Variants in UTRN observed in about 807,000 individuals in gnomAD.
UTRN encodes dystrophin-related protein 1.
Under a neutral mutation model 463.9 loss-of-function variants are expected in UTRN, and 283 were observed. That is an observed-to-expected ratio of 0.61 (90% CI 0.55 to 0.67). The LOEUF (loss-of-function observed/expected upper bound fraction) is 0.67, where lower values mean the gene tolerates loss of function less well. UTRN is among the 30% of genes least tolerant of loss of function. The pLI is 0.00. For missense variants in UTRN, 3,922 were observed against 4,084.3 expected (o/e 0.96, Z 1.08); for synonymous variants, 1,442 against 1,431.5 (o/e 1.01, Z -0.17).
Position 144,510,929 on chromosome 6 carries a change from G to GT in UTRN, c.4765-10dup. On this transcript the variant is annotated splice_polypyrimidine_tract_variant and intron_variant, in intron 34 of 74. Transcript: ENST00000367545. ...TCTGAAGCATCAAGTAGGTCTTGGT[G>GT]TTTTTATTTTCTAGAATGTTCTGAA... 6.5e-7 allele frequency: 1 copy of GT among 1,544,956 alleles called. No homozygotes were observed. Among genetic ancestry groups the GT allele is most frequent in the Non-Finnish European group, 8.8e-7 (1 of 1,140,162 alleles).
chr6:144,816,223 C>T (rs1480978694), intron 65 of UTRN, among the ~76,000 whole-genome samples: 9 of 152,028 alleles, frequency 5.9e-5, no homozygotes, highest in Non-Finnish European at 4.4e-5. Flanking sequence ...AGGGAAATGG[C>T]AGGTGTGGAG....
At chr6:144,599,245 G>T (rs1803980633) in intron 51 of UTRN, among the ~76,000 whole-genome samples, 1 of 152,176 alleles carries the variant, frequency 6.6e-6, no homozygotes, top group African/African-American at 2.4e-5. Flanking sequence ...GGGAAATGGG[G>T]TGGTTGGTTA....
chr6:144,620,883 T>C (rs1223537097), intron 51 of UTRN, among the ~76,000 whole-genome samples: 1 of 152,198 alleles, frequency 6.6e-6, no homozygotes, highest in African/African-American at 2.4e-5. Flanking sequence ...CCTGAAGATA[T>C]CTGGGATTCC....
chr6:144,496,317 G>C (rs1287433579), intron 33 of UTRN, among the ~76,000 whole-genome samples: 1 of 152,078 alleles, frequency 6.6e-6, no homozygotes, highest in Non-Finnish European at 1.5e-5. Context: ...AAATCAGAAC[G>C]ACCAGTTTAT....
At chr6:144,620,132 T>G (rs1475637265) in intron 51 of UTRN, among the ~76,000 whole-genome samples, 2 of 152,156 alleles carry the variant, frequency 1.3e-5, no homozygotes, top group Non-Finnish European at 2.9e-5. Context: ...GCCTGGCTTA[T>G]TTGGAGTTAG....
intron 54 of UTRN, among the ~76,000 whole-genome samples, chr6:144,737,532 T>C (rs1206205327): frequency 6.6e-6 from 1 of 152,166 alleles, no homozygotes; most frequent in Non-Finnish European, 1.5e-5. Context: ...GGCATAGGAA[T>C]TTATATTATA....
At chr6:144,710,976 C>T (rs999603296) in intron 53 of UTRN, among the ~76,000 whole-genome samples, 8 of 152,080 alleles carry the variant, frequency 5.3e-5, no homozygotes, top group African/African-American at 1.9e-4. Context: ...CAAATGTTAA[C>T]ATAAATTGCT....
chr6:144,330,331 T>C (rs1776248753), intron 2 of UTRN, among the ~76,000 whole-genome samples: 1 of 152,190 alleles, frequency 6.6e-6, no homozygotes, highest in Admixed American at 6.5e-5. Context: ...CTTATCCTGA[T>C]TGAAGGGGCA....
chr6:144,355,024 C>A (rs146629873), intron 2 of UTRN, among the ~76,000 whole-genome samples: 1 of 151,970 alleles, frequency 6.6e-6, no homozygotes. Flanking sequence ...GCTCCTGGCA[C>A]GTTTTTTAGT....
At chr6:144,607,568 T>G (rs188574677) in intron 51 of UTRN, among the ~76,000 whole-genome samples, 19 of 152,342 alleles carry the variant, frequency 1.2e-4, no homozygotes, top group African/African-American at 4.3e-4. Context: ...TAGGTTTCAC[T>G]GGGTAAAGGC....
chr6:144,589,649 T>G (rs1258596833), intron 51 of UTRN, among the ~76,000 whole-genome samples: 1 of 152,160 alleles, frequency 6.6e-6, no homozygotes, highest in East Asian at 1.9e-4. Flanking sequence ...TGTTCTGAAT[T>G]ATTTCCATAT....
In UTRN at chr6:144,768,037, A is replaced by T. The variant is rs1016513236; in HGVS notation, c.8496-3870A>T. Among the ~76,000 whole-genome samples the T allele has an allele frequency of 5.9e-5, 9 of 152,304 alleles. No individual in the cohort carries two copies. The South Asian group carries it at 1.7e-3, about 28-fold the overall frequency. On this transcript the variant is annotated intron_variant, in intron 58 of 74. Transcript: ENST00000367545. Reference sequence around the variant, plus strand: ...ATATGAGACCACTCTAATGAGGACAAATGGGTTTAAGAAGTATCTTCCACA... The same window carrying T: ...ATATGAGACCACTCTAATGAGGACATATGGGTTTAAGAAGTATCTTCCACA...
intron 51 of UTRN, among the ~76,000 whole-genome samples, chr6:144,609,780 TTGGAAAATAAACAAATATG>T (rs1805275087): frequency 6.6e-6 from 1 of 152,182 alleles, no homozygotes; most frequent in Non-Finnish European, 1.5e-5. Flanking sequence ...AGGAGAAATC[TTGGAAAATAAACAAATATG>T]TGGAAATTAA....
At chr6:144,783,094 G>T (rs10428796) in intron 61 of UTRN, among the ~76,000 whole-genome samples, 3 of 151,918 alleles carry the variant, frequency 2.0e-5, no homozygotes, top group African/African-American at 7.3e-5. Context: ...TACTTGGGAG[G>T]CTGAGGCAGG....
At chr6:144,744,012 G>A (rs1790391950) in intron 54 of UTRN, among the ~76,000 whole-genome samples, 1 of 149,956 alleles carries the variant, frequency 6.7e-6, no homozygotes, top group Non-Finnish European at 1.5e-5. Flanking sequence ...AAGAGGCTAG[G>A]TGCGGTGGCT....
intron 41 of UTRN, among the ~76,000 whole-genome samples, chr6:144,528,593 C>G (rs1796765744): frequency 1.3e-5 from 2 of 152,150 alleles, no homozygotes; most frequent in Admixed American, 1.3e-4. Context: ...AGCACAGCTA[C>G]TGGGTGCTGA....
At chr6:144,593,113 G>A (rs1458634697) in intron 51 of UTRN, among the ~76,000 whole-genome samples, 2 of 152,196 alleles carry the variant, frequency 1.3e-5, no homozygotes, top group Non-Finnish European at 2.9e-5. Context: ...TCTGCGAATA[G>A]ACTGAATGAG....
At chr6:144,590,896 A>G (rs1238013394) in intron 51 of UTRN, among the ~76,000 whole-genome samples, 3 of 151,892 alleles carry the variant, frequency 2.0e-5, no homozygotes, top group African/African-American at 7.3e-5. Context: ...ACACACACAC[A>G]CACATAAGGT....
chr6:144,440,373 G>T lies in UTRN; in HGVS notation c.1414G>T (p.Ala472Ser), dbSNP rs1333663835. The T allele has an allele frequency of 6.2e-7, 1 of 1,613,984 alleles. No individual in the cohort carries two copies. Among genetic ancestry groups the T allele is most frequent in the African/African-American group, 1.3e-5 (1 of 74,902 alleles). Residue 472 changes from alanine to serine, a missense_variant, in exon 13 of 75, where the codon GCT becomes TCT. Coordinates refer to ENST00000367545, the MANE Select transcript of UTRN (RefSeq NM_007124.3). ...EHKSLQSDLE[A>S]EQVKVNSLTH... ...CTAGAGTTTGCAAAGTGATCTTGAGGCTGAACAGGTGAAAGTAAATTCACT... is the reference window on the plus strand; with the variant it reads ...CTAGAGTTTGCAAAGTGATCTTGAGTCTGAACAGGTGAAAGTAAATTCACT...
Sources: allele counts gnomAD v4.1 joint callset (sites outside exome capture counted in the v4.1 genomes callset), GRCh38; gene constraint gnomAD v4.1.1; transcripts MANE v1.5; gene names NCBI Gene and HGNC (gene_info 2026-07-23, HGNC 2026-07-21).